The following LRRC2 variants were observed in gnomAD, a reference collection of about 807,000 sequenced individuals.
LRRC2 encodes leucine rich repeat containing 2.
Under a neutral mutation model 40.2 loss-of-function variants are expected in LRRC2, and 27 were observed. That is an observed-to-expected ratio of 0.67 (90% CI 0.49 to 0.93). LRRC2 has a LOEUF of 0.93. Ranked by LOEUF, LRRC2 falls within the 40% of genes least tolerant of loss-of-function variation. LRRC2 has a pLI of 0.00. For missense variants in LRRC2, 402 were observed against 439.6 expected, an observed-to-expected ratio of 0.91 and a Z score of 0.76; for synonymous variants, 147 against 158.9, an observed-to-expected ratio of 0.92 and a Z score of 0.56.
intron 7 of LRRC2, among the ~76,000 whole-genome samples, chr3:46,524,603 T>C (rs964296779): frequency 6.6e-6 from 1 of 152,234 alleles, no homozygotes; most frequent in Non-Finnish European, 1.5e-5. Flanking sequence ...CTACTTGATG[T>C]ATCTCATAAA....
At chr3:46,546,189 G>A (rs1241722292) in intron 2 of LRRC2, among the ~76,000 whole-genome samples, 1 of 152,210 alleles carries the variant, frequency 6.6e-6, no homozygotes, top group Non-Finnish European at 1.5e-5. Context: ...TCTTCACGTG[G>A]CCCAAGGCAG....
At chr3:46,561,339 G>C (rs1704936661) in intron 1 of LRRC2, among the ~76,000 whole-genome samples, 1 of 152,106 alleles carries the variant, frequency 6.6e-6, no homozygotes, top group Non-Finnish European at 1.5e-5. Flanking sequence ...AGGAGTTTGA[G>C]AGCAGCCTGG....
At position 46,517,078 on chromosome 3, in the gene LRRC2, C is replaced by G. The variant is rs1311998636; in HGVS notation, c.*1936G>C. On this transcript the variant is annotated 3_prime_UTR_variant, in exon 9 of 9. Coordinates refer to ENST00000395905, the MANE Select transcript of LRRC2 (RefSeq NM_024512.5). ...ATTTAATTGAATTGAAAGATGGGTT[C>G]TTCAATCACATCAGTCATTGTTCAA... is the stretch of plus-strand genomic sequence containing the variant. 6.6e-6 allele frequency: 1 copy of G among 152,134 alleles called. No homozygotes were observed. The highest frequency in any genetic ancestry group is 1.5e-5 in the Non-Finnish European group (1 of 68,044). The allele number at this position is 152,134 out of a possible 1,614,324, so 9.4% of individuals were successfully genotyped here.
intron 1 of LRRC2, among the ~76,000 whole-genome samples, chr3:46,565,318 G>A (rs1010639064): frequency 6.6e-6 from 1 of 152,146 alleles, no homozygotes; most frequent in African/African-American, 2.4e-5. Flanking sequence ...ATGTGGACGT[G>A]ATGGAGCAAA....
intron 3 of LRRC2, among the ~76,000 whole-genome samples, chr3:46,541,150 A>G (rs1239540526): frequency 6.6e-6 from 1 of 151,970 alleles, no homozygotes; most frequent in Non-Finnish European, 1.5e-5. Flanking sequence ...TGGCTAACAC[A>G]GTGAAACTCC....
intron 1 of LRRC2, chr3:46,559,709 T>A (rs768261397): frequency 7.9e-5 from 12 of 152,250 alleles, no homozygotes; most frequent in Non-Finnish European, 1.3e-4. Context: ...TTAATCATCT[T>A]TGATAAATTC....
At chr3:46,531,951 T>A (rs1704167743) in intron 5 of LRRC2, among the ~76,000 whole-genome samples, 1 of 152,210 alleles carries the variant, frequency 6.6e-6, no homozygotes, top group South Asian at 2.1e-4. Context: ...CATTAAAAAT[T>A]GTTCACTTTT....
chr3:46,522,412 T>TAAAC (rs1277063976), intron 7 of LRRC2, among the ~76,000 whole-genome samples: 14 of 147,336 alleles, frequency 9.5e-5, no homozygotes, highest in African/African-American at 2.6e-4. Flanking sequence ...AATAAATAAA[T>TAAAC]AAATAAACAA....
At position 46,561,951 on chromosome 3, in the gene LRRC2, C is replaced by A. The variant is rs550996195; in HGVS notation, c.-20+4226G>T. On this transcript the variant is annotated intron_variant, in intron 1 of 8. Transcript: ENST00000395905. ...GGCCTGCAGGTTATAGTTTACTGAT[C>A]CTAGCTTTAGTGGACAATAAAATGT... 7.2e-5 allele frequency among the ~76,000 whole-genome samples: 11 copies of A among 152,296 alleles called. No individual in the cohort carries two copies. The South Asian group carries it at 2.1e-3, about 29-fold the overall frequency.
chr3:46,530,425 C>T (rs959927121), intron 5 of LRRC2, among the ~76,000 whole-genome samples: 5 of 152,078 alleles, frequency 3.3e-5, no homozygotes, highest in Admixed American at 3.3e-4. Context: ...ACTAAAAATA[C>T]AAAAATTAAC....
At chr3:46,539,981 T>A (rs1265699459) in intron 3 of LRRC2, among the ~76,000 whole-genome samples, 1 of 151,880 alleles carries the variant, frequency 6.6e-6, no homozygotes, top group Non-Finnish European at 1.5e-5. Context: ...TCCCCTGACC[T>A]CAGAAGCTGA....
intron 8 of LRRC2, among the ~76,000 whole-genome samples, chr3:46,520,303 C>T (rs1485904197): frequency 6.6e-6 from 1 of 151,288 alleles, no homozygotes; most frequent in Non-Finnish European, 1.5e-5. Context: ...TGGAGTTTTA[C>T]ATAATAGCAC....
chr3:46,562,311 C>T (rs1450863354), intron 1 of LRRC2, among the ~76,000 whole-genome samples: 1 of 152,150 alleles, frequency 6.6e-6, no homozygotes, highest in Non-Finnish European at 1.5e-5. Context: ...GATCCTCCAT[C>T]CCCAGTCAAG....
intron 3 of LRRC2, among the ~76,000 whole-genome samples, chr3:46,543,079 G>C (rs1223439964): frequency 6.6e-6 from 1 of 152,222 alleles, no homozygotes; most frequent in African/African-American, 2.4e-5. Flanking sequence ...TGAGGCCGAA[G>C]CACAAGCTCT....
chr3:46,550,670 C>T (rs566249768), intron 2 of LRRC2, among the ~76,000 whole-genome samples: 3 of 152,290 alleles, frequency 2.0e-5, no homozygotes, highest in Admixed American at 6.5e-5. Flanking sequence ...GGATTACAGG[C>T]GTGAGCCACT....
At chr3:46,519,187 G>A (rs779272766) in intron 8 of LRRC2, 124 bp from the exon 9 acceptor site, 2 of 745,150 alleles carry the variant, frequency 2.7e-6, no homozygotes, top group Non-Finnish European at 4.9e-6. Context: ...CATGTTTTAA[G>A]TATAGAGATA....
rs1483414336 is a variant in LRRC2, at chr3:46,552,950, A to G, written c.-19-1340T>C. Among the ~76,000 whole-genome samples the G allele has an allele frequency of 5.3e-5, 8 of 152,356 alleles. No homozygotes were observed. In the East Asian group the frequency reaches 1.5e-3, roughly 29 times the overall value. On this transcript the variant is annotated intron_variant, in intron 1 of 8. Coordinates refer to ENST00000395905, the MANE Select transcript of LRRC2 (RefSeq NM_024512.5). ...TTAGTCTCTATTTTCAGTGTCACCAAATGAAACATGAGAGGCCCACCAAAA... is the reference window on the plus strand; with the variant it reads ...TTAGTCTCTATTTTCAGTGTCACCAGATGAAACATGAGAGGCCCACCAAAA...
chr3:46,535,083 T>TA (rs1640627429), intron 4 of LRRC2, among the ~76,000 whole-genome samples: 1 of 152,208 alleles, frequency 6.6e-6, no homozygotes, highest in Non-Finnish European at 1.5e-5. Context: ...CCTCAATACT[T>TA]ACGTTTGGTA....
intron 4 of LRRC2, among the ~76,000 whole-genome samples, chr3:46,535,826 A>G (rs1559412734): frequency 1.3e-5 from 2 of 152,236 alleles, no homozygotes; most frequent in Non-Finnish European, 2.9e-5. Flanking sequence ...AATAATAATA[A>G]TAATGGCTAG....
Sources: allele counts gnomAD v4.1 joint callset (sites outside exome capture counted in the v4.1 genomes callset), GRCh38; gene constraint gnomAD v4.1.1; transcripts MANE v1.5; gene names NCBI Gene and HGNC (gene_info 2026-07-23, HGNC 2026-07-21).